GRIK2: variants seen among roughly 807,000 people sequenced by gnomAD.
GRIK2 encodes glutamate ionotropic receptor kainate type subunit 2, also known as glutamate receptor ionotropic, kainate 2.
GRIK2 carries 32 observed loss-of-function variants against 100.3 expected under a neutral mutation model. The observed-to-expected ratio is 0.32, with a 90% CI of 0.24 to 0.43. The LOEUF (loss-of-function observed/expected upper bound fraction) is 0.43. Among genes scored for constraint, GRIK2 ranks in the 20% least tolerant of loss-of-function variants. The pLI is 1.00. For synonymous variants in GRIK2, 417 were observed against 389.4 expected, an observed-to-expected ratio of 1.07 and a Z score of -0.83; for missense variants, 843 against 1,114.9, an observed-to-expected ratio of 0.76 and a Z score of 3.47.
At chr6:101,612,207 T>G (rs1445079568) in intron 2 of GRIK2, among the ~76,000 whole-genome samples, 1 of 151,914 alleles carries the variant, frequency 6.6e-6, no homozygotes. Flanking sequence ...CAGAATTCAA[T>G]AAGCTCAGTG....
At chr6:101,424,242 A>G (rs1273270160) in intron 2 of GRIK2, among the ~76,000 whole-genome samples, 2 of 151,954 alleles carry the variant, frequency 1.3e-5, no homozygotes, top group African/African-American at 4.8e-5. Context: ...ATATGTATAC[A>G]TGTGCCATGT....
At chr6:101,854,206 G>A (rs764083711) in intron 10 of GRIK2, among the ~76,000 whole-genome samples, 1 of 152,134 alleles carries the variant, frequency 6.6e-6, no homozygotes, top group Non-Finnish European at 1.5e-5. Context: ...TGAAATGTCT[G>A]TACCTTCTGC....
At chr6:101,581,157 G>GATATATATACATATAT (rs1220142115) in intron 2 of GRIK2, among the ~76,000 whole-genome samples, 2 of 141,802 alleles carry the variant, frequency 1.4e-5, no homozygotes, top group Admixed American at 1.4e-4. Flanking sequence ...ATTAATAGGA[G>GATATATATACATATAT]ATATATATAC....
At chr6:101,524,734 T>C (rs1164158353) in intron 2 of GRIK2, among the ~76,000 whole-genome samples, 3 of 127,084 alleles carry the variant, frequency 2.4e-5, no homozygotes, top group African/African-American at 6.3e-5. Flanking sequence ...TTTTTTTTTT[T>C]CTTCTTTTTT....
chr6:101,804,848 A>C (rs1780888896), intron 9 of GRIK2, among the ~76,000 whole-genome samples: 1 of 151,994 alleles, frequency 6.6e-6, no homozygotes, highest in Non-Finnish European at 1.5e-5. Context: ...TCGGTTCTTA[A>C]GAAAAATTGA....
At chr6:101,482,567 A>C (rs1257231565) in intron 2 of GRIK2, among the ~76,000 whole-genome samples, 2 of 152,226 alleles carry the variant, frequency 1.3e-5, no homozygotes, top group Admixed American at 6.5e-5. Flanking sequence ...CTGTGTTATC[A>C]GAGCAAATCT....
chr6:102,051,694 T>A (rs1260984025), intron 15 of GRIK2, among the ~76,000 whole-genome samples: 1 of 152,116 alleles, frequency 6.6e-6, no homozygotes, highest in Non-Finnish European at 1.5e-5. Flanking sequence ...GGCCGTCTAT[T>A]TTGAGTGTTG....
intron 2 of GRIK2, among the ~76,000 whole-genome samples, chr6:101,431,728 C>A (rs1450864539): frequency 6.6e-6 from 1 of 152,172 alleles, no homozygotes; most frequent in South Asian, 2.1e-4. Flanking sequence ...TATTGGTTAT[C>A]ACTTTGTTAC....
intron 10 of GRIK2, among the ~76,000 whole-genome samples, chr6:101,823,116 A>C (rs2764226): frequency 6.6e-6 from 1 of 150,626 alleles, no homozygotes; most frequent in African/African-American, 2.4e-5. Flanking sequence ...TAGTCTCTGC[A>C]CTCCCCTCAT....
chr6:101,547,515 T>C (rs1776305045), intron 2 of GRIK2, among the ~76,000 whole-genome samples: 1 of 152,326 alleles, frequency 6.6e-6, no homozygotes. Flanking sequence ...TTCCCCTTCC[T>C]GTGTCCATGT....
chr6:101,723,660 C>T (rs1251959433), intron 7 of GRIK2, among the ~76,000 whole-genome samples: 1 of 151,926 alleles, frequency 6.6e-6, no homozygotes, highest in Admixed American at 6.6e-5. Flanking sequence ...AAGAATCTAA[C>T]AACTAAACTG....
At chr6:101,694,730 C>T (rs1276072921) in intron 7 of GRIK2, among the ~76,000 whole-genome samples, 1 of 151,878 alleles carries the variant, frequency 6.6e-6, no homozygotes, top group Non-Finnish European at 1.5e-5. Context: ...GGTAAAAATA[C>T]ACCAAACTAA....
Position 101,686,227 on chromosome 6 carries a change from C to T in GRIK2, c.825C>T (p.Asn275=), listed in dbSNP as rs140114474. ...AGCCCTACCGATACAGTGGTGTTAA[C>T]ATGACAGGGTTCAGAATATTAAATA... ...DVEPYRYSGV[N]MTGFRILNTE... Residue 275 remains asparagine (N), a synonymous_variant, in exon 7 of 17, where the codon AAC becomes AAT. Coordinates refer to ENST00000369134, the MANE Select transcript of GRIK2 (RefSeq NM_021956.5). 3.2e-5 allele frequency: 52 copies of T among 1,612,520 alleles called. No homozygotes were observed. The Middle Eastern group carries it at 6.6e-4, about 20-fold the overall frequency.
At chr6:101,720,037 A>G (rs1774365373) in intron 7 of GRIK2, among the ~76,000 whole-genome samples, 1 of 152,010 alleles carries the variant, frequency 6.6e-6, no homozygotes, top group African/African-American at 2.4e-5. Flanking sequence ...TTTAAGAAAA[A>G]AAGATACTTA....
At chr6:101,484,921 T>C (rs1208137425) in intron 2 of GRIK2, among the ~76,000 whole-genome samples, 1 of 152,194 alleles carries the variant, frequency 6.6e-6, no homozygotes, top group Non-Finnish European at 1.5e-5. Flanking sequence ...ATCACTTTTA[T>C]TGGCGTACCT....
intron 7 of GRIK2, among the ~76,000 whole-genome samples, chr6:101,744,019 T>C (rs1776216714): frequency 6.6e-6 from 1 of 152,032 alleles, no homozygotes. Context: ...CTCGGCTCAC[T>C]GAAAGCTCCA....
intron 11 of GRIK2, among the ~76,000 whole-genome samples, chr6:101,879,208 A>T (rs1786075139): frequency 6.6e-6 from 1 of 152,098 alleles, no homozygotes; most frequent in Non-Finnish European, 1.5e-5. Flanking sequence ...AGAAAAGAGT[A>T]CAATATTCCA....
At chr6:101,784,273 C>A (rs1355621527) in intron 7 of GRIK2, among the ~76,000 whole-genome samples, 1 of 152,202 alleles carries the variant, frequency 6.6e-6, no homozygotes, top group African/African-American at 2.4e-5. Flanking sequence ...TCCAGCTACT[C>A]CAGTTCCAGC....
chr6:102,033,154 T>C (rs1770085164), intron 14 of GRIK2, among the ~76,000 whole-genome samples: 1 of 151,384 alleles, frequency 6.6e-6, no homozygotes, highest in South Asian at 2.1e-4. Context: ...TTAGTATTTG[T>C]AAATAATTTG....
Sources: allele counts gnomAD v4.1 joint callset (sites outside exome capture counted in the v4.1 genomes callset), GRCh38; gene constraint gnomAD v4.1.1; transcripts MANE v1.5; gene names NCBI Gene and HGNC (gene_info 2026-07-23, HGNC 2026-07-21).